Variants in FOXN3 observed in about 807,000 individuals in gnomAD.
FOXN3 encodes forkhead box protein N3.
Under a neutral mutation model 38.4 loss-of-function variants are expected in FOXN3, and 7 were observed. The ratio of observed to expected loss-of-function variants is 0.18; its 90% confidence interval spans 0.10 to 0.34. The LOEUF (loss-of-function observed/expected upper bound fraction) is 0.34. FOXN3 is among the 10% of genes least tolerant of loss of function. The pLI is 1.00. For missense variants in FOXN3, 456 were observed against 613.4 expected (o/e 0.74, Z 2.71); for synonymous variants, 230 against 242.2 (o/e 0.95, Z 0.47).
intron 4 of FOXN3, among the ~76,000 whole-genome samples, chr14:89,276,841 G>A (rs1242949985): frequency 2.0e-5 from 3 of 152,136 alleles, no homozygotes; most frequent in Admixed American, 2.0e-4. Flanking sequence ...AGGCCAACAG[G>A]GCCTACCAAG....
intron 1 of FOXN3, among the ~76,000 whole-genome samples, chr14:89,500,530 A>G (rs937614604): frequency 1.1e-4 from 16 of 152,216 alleles, no homozygotes; most frequent in Non-Finnish European, 2.4e-4. Flanking sequence ...AAACCAAAGA[A>G]CAGACCTGCC....
chr14:89,334,674 TTAA>T (rs1414834649), intron 3 of FOXN3, among the ~76,000 whole-genome samples: 5 of 146,786 alleles, frequency 3.4e-5, no homozygotes, highest in Admixed American at 6.9e-5. Context: ...GAGACTACAG[TTAA>T]TAATACTGTA....
chr14:89,179,247 A>G (rs1160158920), intron 5 of FOXN3, among the ~76,000 whole-genome samples: 2 of 152,202 alleles, frequency 1.3e-5, no homozygotes, highest in Non-Finnish European at 2.9e-5. Flanking sequence ...CTAATTGCTA[A>G]CAACTTCCCA....
intron 1 of FOXN3, among the ~76,000 whole-genome samples, chr14:89,590,044 G>A (rs1044956822): frequency 1.2e-4 from 18 of 152,264 alleles, no homozygotes; most frequent in South Asian, 2.1e-4. Flanking sequence ...CTAAGCAGCC[G>A]AAAGGAGAAG....
chr14:89,199,095 C>T (rs1171404404), intron 4 of FOXN3, among the ~76,000 whole-genome samples: 3 of 152,184 alleles, frequency 2.0e-5, no homozygotes, highest in Admixed American at 6.5e-5. Context: ...CACGGGGTGC[C>T]GTCAGCTCTA....
chr14:89,613,116 C>CAAAAAA lies in FOXN3; in HGVS notation c.-15+5906_-15+5911dup, dbSNP rs10581958. Among the ~76,000 whole-genome samples the CAAAAAA allele has an allele frequency of 7.0e-4, 52 of 74,598 alleles. 4 individuals are homozygous for CAAAAAA. The highest frequency in any genetic ancestry group is 3.3e-3 in the African/African-American group (49 of 15,026). The allele number at this position is 74,598 out of a possible 152,430, so 48.9% of individuals were successfully genotyped here. A position where few individuals can be genotyped will look rare whatever the true frequency, so the allele number is the denominator to read the frequency against. ...TGGGCGACAGAGCAAGACTCTGTCT[C>CAAAAAA]AAAAAAAAAAAAAAAAAAAAAAAAA... On this transcript the variant is annotated intron_variant, in intron 1 of 6. Transcript: ENST00000345097.
chr14:89,603,563 A>G (rs1354500084), intron 1 of FOXN3, among the ~76,000 whole-genome samples: 2 of 152,172 alleles, frequency 1.3e-5, no homozygotes, highest in African/African-American at 4.8e-5. Flanking sequence ...GGATATATTA[A>G]TATTATTAAA....
chr14:89,230,364 C>A (rs781056164), intron 4 of FOXN3, among the ~76,000 whole-genome samples: 1 of 152,248 alleles, frequency 6.6e-6, no homozygotes, highest in Non-Finnish European at 1.5e-5. Context: ...CTCCACCATC[C>A]TCTGCTGAGC....
chr14:89,614,680 C>T (rs918302047), intron 1 of FOXN3, among the ~76,000 whole-genome samples: 13 of 152,224 alleles, frequency 8.5e-5, no homozygotes, highest in African/African-American at 2.9e-4. Flanking sequence ...AGAGTGTGCC[C>T]TGGGCACAGC....
At chr14:89,470,706 C>T (rs2139744259) in intron 1 of FOXN3, among the ~76,000 whole-genome samples, 1 of 152,264 alleles carries the variant, frequency 6.6e-6, no homozygotes, top group South Asian at 2.1e-4. Context: ...ATAACTAAGG[C>T]CCCCATGGAA....
intron 1 of FOXN3, among the ~76,000 whole-genome samples, chr14:89,525,628 C>T (rs2139827975): frequency 9.1e-6 from 1 of 110,240 alleles, no homozygotes; most frequent in South Asian, 4.2e-4. Flanking sequence ...AACTTGTTTT[C>T]ACTAAAAAAA....
At chr14:89,285,694 G>A (rs1437480846) in intron 3 of FOXN3, among the ~76,000 whole-genome samples, 5 of 152,168 alleles carry the variant, frequency 3.3e-5, no homozygotes, top group African/African-American at 1.2e-4. Context: ...ACGGTTGCTA[G>A]AGGCTCATGG....
chr14:89,574,595 C>A (rs1466552708), intron 1 of FOXN3, among the ~76,000 whole-genome samples: 1 of 152,188 alleles, frequency 6.6e-6, no homozygotes, highest in Non-Finnish European at 1.5e-5. Context: ...TTTCACTCCA[C>A]CATCTCAAAG....
intron 1 of FOXN3, among the ~76,000 whole-genome samples, chr14:89,425,521 C>G (rs149380740): frequency 8.2e-6 from 1 of 122,444 alleles, no homozygotes; most frequent in African/African-American, 2.9e-5. Context: ...GCTTGTGCCA[C>G]CATGCCCGGC....
chr14:89,320,374 T>G (rs1490439820), intron 3 of FOXN3, among the ~76,000 whole-genome samples: 1 of 152,274 alleles, frequency 6.6e-6, no homozygotes, highest in Non-Finnish European at 1.5e-5. Context: ...ACAAAAGGTT[T>G]GTAACCAGGG....
At chr14:89,222,792 C>G (rs1022976791) in intron 4 of FOXN3, among the ~76,000 whole-genome samples, 3 of 152,122 alleles carry the variant, frequency 2.0e-5, no homozygotes, top group Admixed American at 6.5e-5. Context: ...TCCTACCTCC[C>G]TCTACCCTTC....
At chr14:89,300,609 T>G (rs1384004871) in intron 3 of FOXN3, among the ~76,000 whole-genome samples, 1 of 152,228 alleles carries the variant, frequency 6.6e-6, no homozygotes, top group African/African-American at 2.4e-5. Flanking sequence ...CCTTGATTAT[T>G]CATTTCCTCC....
At chr14:89,257,059 G>A (rs931840944) in intron 4 of FOXN3, among the ~76,000 whole-genome samples, 1 of 152,188 alleles carries the variant, frequency 6.6e-6, no homozygotes, top group Non-Finnish European at 1.5e-5. Context: ...TTGTTTAGCT[G>A]GAAAACAAAC....
At chr14:89,573,026 G>A (rs79604509) in intron 1 of FOXN3, among the ~76,000 whole-genome samples, 2,489 of 152,278 alleles carry the variant, frequency 0.016, 37 homozygotes, top group Non-Finnish European at 0.025. Context: ...CCTAGAGCAG[G>A]GCTGTGGTTT....
Sources: gnomAD v4.1 joint callset for allele counts (sites outside exome capture counted in the v4.1 genomes callset) on GRCh38, gnomAD v4.1.1 for gene constraint, MANE v1.5 for transcripts, NCBI Gene and HGNC (gene_info 2026-07-23, HGNC 2026-07-21) for gene names.